The following CELA2A variants were observed in gnomAD, a reference collection of about 807,000 sequenced individuals.
CELA2A encodes chymotrypsin like elastase 2A, also known as chymotrypsin-like elastase family member 2A.
Under a neutral mutation model 35.3 loss-of-function variants are expected in CELA2A, and 31 were observed. The observed-to-expected ratio is 0.88, with a 90% confidence interval of 0.66 to 1.19. The LOEUF (loss-of-function observed/expected upper bound fraction) is 1.19. Among genes scored for constraint, CELA2A ranks in the 50% most tolerant of loss-of-function variants. The probability of loss-of-function intolerance (pLI) is 0.00; values close to 1 mark genes in which losing one functional copy is unlikely to be tolerated. For synonymous variants in CELA2A, 150 were observed against 149.8 expected (o/e 1.00, Z -0.01); for missense variants, 330 against 352.9 (o/e 0.94, Z 0.52).
intron 7 of CELA2A, among the ~76,000 whole-genome samples, chr1:15,471,777 C>T (rs187117787): frequency 2.6e-5 from 4 of 152,112 alleles, no homozygotes; most frequent in Non-Finnish European, 4.4e-5. Flanking sequence ...TGGCTAAGAC[C>T]CCCTTTACAG....
In CELA2A at chr1:15,462,767, CACA is replaced by C; in HGVS notation, c.265_267del (p.Asn89del). The C allele has an allele frequency of 6.2e-7, 1 of 1,614,102 alleles. No individual in the cohort carries two copies. The highest frequency in any genetic ancestry group is 8.5e-7 in the Non-Finnish European group (1 of 1,180,020). Reference sequence around the variant, plus strand: ...GACCTACCGCGTGGGGCTGGGCCGGCACAACCTCTACGTTGCGGAGTCCGGCTC... The same window carrying C: ...GACCTACCGCGTGGGGCTGGGCCGGCACCTCTACGTTGCGGAGTCCGGCTC... On this transcript the variant is annotated inframe_deletion, in exon 4 of 8. Transcript: ENST00000359621.
chr1:15,467,020 G>A (rs1481856454), intron 6 of CELA2A, among the ~76,000 whole-genome samples: 2 of 152,186 alleles, frequency 1.3e-5, no homozygotes, highest in Non-Finnish European at 2.9e-5. Flanking sequence ...CCTGGCAGCT[G>A]AAGTCTGGGA....
chr1:15,462,310 G>A, intron 3 of CELA2A: 8 of 447,462 alleles, frequency 1.8e-5, no homozygotes, highest in South Asian at 6.6e-5. Flanking sequence ...CTACAGTCAG[G>A]AGTCCTGGCT....
intron 7 of CELA2A, among the ~76,000 whole-genome samples, chr1:15,471,365 G>A (rs1483891221): frequency 2.0e-5 from 3 of 152,088 alleles, no homozygotes; most frequent in Non-Finnish European, 2.9e-5. Context: ...TGGCCAACAT[G>A]GTGAAACCTC....
At chr1:15,463,594 G>A in intron 5 of CELA2A, 72 bp downstream of exon 5, 14 of 1,604,010 alleles carry the variant, frequency 8.7e-6, no homozygotes, top group Non-Finnish European at 1.2e-5. Context: ...GTCTGGCCGG[G>A]GCCTCTCACC....
chr1:15,471,176 C>A (rs892963532), intron 7 of CELA2A, among the ~76,000 whole-genome samples: 12 of 152,188 alleles, frequency 7.9e-5, no homozygotes, highest in Non-Finnish European at 1.6e-4. Context: ...AATTCTTGCA[C>A]ACTGGTCTGA....
At chr1:15,461,690 T>C in intron 3 of CELA2A, 32 bp downstream of exon 3, 1 of 1,613,488 alleles carries the variant, frequency 6.2e-7, no homozygotes, top group Non-Finnish European at 8.5e-7. Context: ...CTTGGCCTGC[T>C]CACCAGCTGG....
chr1:15,457,058 T>TA, intron 1 of CELA2A, 28 bp from the exon 2 acceptor site: 1 of 1,605,262 alleles, frequency 6.2e-7, no homozygotes, highest in Non-Finnish European at 8.5e-7. Flanking sequence ...CGCTGCTTCC[T>TA]GACTCAAGAC....
chr1:15,457,385 G>T (rs1292656597), intron 2 of CELA2A: 1 of 534,342 alleles, frequency 1.9e-6, no homozygotes. Context: ...GCTGTGGTGG[G>T]CAGATCACCT....
chr1:15,467,826 T>C (rs752489858), intron 7 of CELA2A, among the ~76,000 whole-genome samples: 5 of 152,138 alleles, frequency 3.3e-5, no homozygotes, highest in South Asian at 2.1e-4. Flanking sequence ...CCGTGGCTCA[T>C]GCCTGTAATC....
At chr1:15,457,028 G>A (rs2103299569) in intron 1 of CELA2A, 58 bp from the exon 2 acceptor site, 3 of 1,519,770 alleles carry the variant, frequency 2.0e-6, no homozygotes, top group Non-Finnish European at 2.7e-6. Context: ...CGCAGCAAGT[G>A]TAGTTTACAT....
At chr1:15,471,736 G>T (rs997296469) in intron 7 of CELA2A, among the ~76,000 whole-genome samples, 4 of 152,068 alleles carry the variant, frequency 2.6e-5, no homozygotes, top group African/African-American at 9.7e-5. Context: ...GGGTTCGAAG[G>T]CCCCCTACCC....
chr1:15,457,338 G>A (rs1320736120), intron 2 of CELA2A, 164 bp downstream of exon 2: 28 of 676,956 alleles, frequency 4.1e-5, no homozygotes, highest in Admixed American at 2.0e-4. Context: ...CCGGCTGGGC[G>A]CAGTGGCTCA....
intron 4 of CELA2A, 148 bp from the exon 5 acceptor site, chr1:15,463,238 A>G (rs3815792): frequency 0.35 from 442,365 of 1,262,030 alleles, 79,022 homozygotes; most frequent in Middle Eastern, 0.45. Context: ...GGCCCTCTGC[A>G]TTTTCAAACA....
At chr1:15,468,091 TAAAAAA>T in intron 7 of CELA2A, among the ~76,000 whole-genome samples, 1 of 86,434 alleles carries the variant, frequency 1.2e-5, no homozygotes, top group South Asian at 4.1e-4. Context: ...AAACTCCATC[TAAAAAA>T]AAAAAAAAAA....
At chr1:15,459,274 C>T (rs1456465954) in intron 2 of CELA2A, among the ~76,000 whole-genome samples, 1 of 151,948 alleles carries the variant, frequency 6.6e-6, no homozygotes, top group Non-Finnish European at 1.5e-5. Flanking sequence ...GCGATCCTCC[C>T]ACCTCAGCCT....
At chr1:15,462,060 G>T (rs1708442353) in intron 3 of CELA2A, 1 of 480,724 alleles carries the variant, frequency 2.1e-6, no homozygotes, top group Non-Finnish European at 4.3e-6. Context: ...TTTACCAAAG[G>T]GCCTGGCACT....
chr1:15,458,885 C>A (rs1169113644), intron 2 of CELA2A, among the ~76,000 whole-genome samples: 2 of 122,006 alleles, frequency 1.6e-5, no homozygotes, highest in African/African-American at 6.8e-5. Flanking sequence ...TGCACTCCAG[C>A]CTGGGTGACA....
At chr1:15,468,487 A>T (rs1407648956) in intron 7 of CELA2A, among the ~76,000 whole-genome samples, 2 of 152,214 alleles carry the variant, frequency 1.3e-5, no homozygotes, top group Non-Finnish European at 1.5e-5. Flanking sequence ...ACATTTGTTT[A>T]TAACAATGAG....
Sources: allele counts gnomAD v4.1 joint callset (sites outside exome capture counted in the v4.1 genomes callset), GRCh38; gene constraint gnomAD v4.1.1; transcripts MANE v1.5; gene names NCBI Gene and HGNC (gene_info 2026-07-23, HGNC 2026-07-21).